DHRS7B: variants seen among roughly 807,000 people sequenced by gnomAD.
DHRS7B encodes the protein dehydrogenase/reductase 7B, also known as peroxisomal reductase activating PPAR-gamma.
DHRS7B carries 24 observed loss-of-function variants against 26.4 expected under a neutral mutation model. The ratio of observed to expected loss-of-function variants is 0.91; its 90% CI spans 0.66 to 1.28. The LOEUF (loss-of-function observed/expected upper bound fraction) is 1.28, where lower values mean the gene tolerates loss of function less well. Ranked by LOEUF, DHRS7B falls within the 50% of genes most tolerant of loss-of-function variation. The pLI is 0.00. For missense variants in DHRS7B, 368 were observed against 419.4 expected, an observed-to-expected ratio of 0.88 and a Z score of 1.07; for synonymous variants, 142 against 166.4, an observed-to-expected ratio of 0.85 and a Z score of 1.13.
intron 1 of DHRS7B, among the ~76,000 whole-genome samples, chr17:21,131,159 T>C (rs748906774): frequency 2.0e-5 from 3 of 152,154 alleles, no homozygotes; most frequent in Non-Finnish European, 4.4e-5. Context: ...GGCCAATCCA[T>C]AGAGAAAAGT....
chr17:21,140,313 C>CA (rs1371962500), intron 1 of DHRS7B, among the ~76,000 whole-genome samples: 1 of 152,006 alleles, frequency 6.6e-6, no homozygotes, highest in Admixed American at 6.6e-5. Context: ...CACCCGGCCT[C>CA]AGATTCTTGA....
chr17:21,140,538 A>ACACACACACC (rs972677956), intron 1 of DHRS7B, among the ~76,000 whole-genome samples: 2,368 of 134,562 alleles, frequency 0.018, 90 homozygotes, highest in African/African-American at 0.025. Flanking sequence ...ACACACACAC[A>ACACACACACC]CCCTGACACC....
At chr17:21,130,873 C>G (rs2143845594) in intron 1 of DHRS7B, among the ~76,000 whole-genome samples, 1 of 152,224 alleles carries the variant, frequency 6.6e-6, no homozygotes, top group Non-Finnish European at 1.5e-5. Context: ...TCTGGAAGGC[C>G]ATAAGCATGA....
chr17:21,150,200 A>C (rs1296503949), intron 1 of DHRS7B, among the ~76,000 whole-genome samples: 2 of 152,026 alleles, frequency 1.3e-5, no homozygotes, highest in African/African-American at 4.8e-5. Flanking sequence ...GGTATGGCAG[A>C]CGAGGAGGCT....
intron 1 of DHRS7B, among the ~76,000 whole-genome samples, chr17:21,161,709 C>A (rs752187407): frequency 6.6e-6 from 1 of 152,052 alleles, no homozygotes; most frequent in Non-Finnish European, 1.5e-5. Context: ...TATGACTGTC[C>A]GAAAGAGACA....
At chr17:21,134,644 G>T (rs1354898140) in intron 1 of DHRS7B, among the ~76,000 whole-genome samples, 1 of 152,162 alleles carries the variant, frequency 6.6e-6, no homozygotes, top group Non-Finnish European at 1.5e-5. Flanking sequence ...ATTGTGTCCT[G>T]CTACAAATGA....
intron 1 of DHRS7B, among the ~76,000 whole-genome samples, chr17:21,164,027 G>T (rs890531641): frequency 1.6e-4 from 9 of 54,898 alleles, no homozygotes; most frequent in African/African-American, 5.4e-4. Context: ...GTCAATTGTT[G>T]TGCTTTTTTT....
intron 1 of DHRS7B, among the ~76,000 whole-genome samples, chr17:21,136,787 C>T (rs922395637): frequency 6.6e-6 from 1 of 151,822 alleles, no homozygotes; most frequent in African/African-American, 2.4e-5. Flanking sequence ...AACTCCCTAC[C>T]TCAGGTGATC....
chr17:21,176,746 G>A (rs1017755766), intron 2 of DHRS7B, among the ~76,000 whole-genome samples: 9 of 151,746 alleles, frequency 5.9e-5, no homozygotes, highest in Admixed American at 3.3e-4. Context: ...ATGAGTTAAG[G>A]TAGGTAGTCT....
At chr17:21,159,862 C>CAAAAAA (rs59176427) in intron 1 of DHRS7B, among the ~76,000 whole-genome samples, 1 of 62,194 alleles carries the variant, frequency 1.6e-5, no homozygotes, top group Non-Finnish European at 3.0e-5. Context: ...GACCCTGTCT[C>CAAAAAA]AAAAAAAAAA....
chr17:21,163,120 C>T (rs1049630091), intron 1 of DHRS7B, among the ~76,000 whole-genome samples: 9 of 151,052 alleles, frequency 6.0e-5, no homozygotes, highest in South Asian at 2.1e-4. Flanking sequence ...CGCTTGAACC[C>T]GGGAGGCAGA....
rs1744439339 is a variant in DHRS7B, at chr17:21,127,264, T to C, written c.20+273T>C. On this transcript the variant is annotated intron_variant, in intron 1 of 6. Coordinates refer to ENST00000395511, the MANE Select transcript of DHRS7B (RefSeq NM_015510.5). The stretch of plus-strand genomic sequence containing the variant: ...TCCAGTTTCCGCTGCTGGGAATGGG[T>C]GTCGCGCCGGGCGCTGTGTGTGAAA... 3 of 452,520 alleles carry C rather than the reference T, an allele frequency of 6.6e-6. No individual in the cohort carries two copies. The South Asian group carries it at 1.2e-4, about 18-fold the overall frequency. The allele number at this position is 452,520 out of a possible 1,614,324, so 28.0% of individuals were successfully genotyped here.
At chr17:21,137,295 CT>C (rs1194614460) in intron 1 of DHRS7B, among the ~76,000 whole-genome samples, 1,911 of 108,208 alleles carry the variant, frequency 0.018, 13 homozygotes, top group Middle Eastern at 0.041. Flanking sequence ...TCTTTTTTGT[CT>C]TTTTTTTTTT....
At chr17:21,179,052 C>G (rs1310746374) in intron 3 of DHRS7B, among the ~76,000 whole-genome samples, 2 of 152,184 alleles carry the variant, frequency 1.3e-5, no homozygotes, top group Non-Finnish European at 2.9e-5. Context: ...TCAAGTGATC[C>G]TCCCACGTCA....
intron 1 of DHRS7B, among the ~76,000 whole-genome samples, chr17:21,151,841 G>A (rs1973778633): frequency 1.3e-5 from 2 of 152,314 alleles, no homozygotes; most frequent in Middle Eastern, 3.4e-3. Flanking sequence ...TGGAGATGGG[G>A]TATGGTGGAA....
At chr17:21,144,573 T>TCGC (rs1367486607) in intron 1 of DHRS7B, among the ~76,000 whole-genome samples, 1 of 152,190 alleles carries the variant, frequency 6.6e-6, no homozygotes, top group Non-Finnish European at 1.5e-5. Context: ...ATCCCAGCAC[T>TCGC]CTGAGAGGCC....
chr17:21,142,974 A>G (rs976517175), intron 1 of DHRS7B, among the ~76,000 whole-genome samples: 8 of 152,124 alleles, frequency 5.3e-5, no homozygotes, highest in Non-Finnish European at 8.8e-5. Context: ...TGTTGCCCAG[A>G]CTGGAGTGCC....
Position 21,164,024 on chromosome 17 carries a change from G to A in DHRS7B, c.21-7994G>A, listed in dbSNP as rs1974054555. Among the ~76,000 whole-genome samples the A allele has an allele frequency of 4.8e-5, 3 of 62,556 alleles. No individual in the cohort carries two copies. The South Asian group carries it at 1.7e-3, about 36-fold the overall frequency. The allele number at this position is 62,556 out of a possible 152,430, so 41.0% of individuals were successfully genotyped here. The stretch of plus-strand genomic sequence containing the variant: ...ATCTTGAGTGCAGATATTGTCAATT[G>A]TTGTGCTTTTTTTTTTTTTTTTGAG... On this transcript the variant is annotated intron_variant, in intron 1 of 6. Coordinates refer to ENST00000395511, the MANE Select transcript of DHRS7B (RefSeq NM_015510.5).
At chr17:21,147,146 C>T (rs1018636920) in intron 1 of DHRS7B, among the ~76,000 whole-genome samples, 3 of 152,100 alleles carry the variant, frequency 2.0e-5, no homozygotes, top group South Asian at 2.1e-4. Context: ...AAATTTGTGG[C>T]GCTTAGAGTC....
Sources: gnomAD v4.1 joint callset for allele counts (sites outside exome capture counted in the v4.1 genomes callset) on GRCh38, gnomAD v4.1.1 for gene constraint, MANE v1.5 for transcripts, NCBI Gene and HGNC (gene_info 2026-07-23, HGNC 2026-07-21) for gene names.